NALF1: variants seen among roughly 807,000 people sequenced by gnomAD.
NALF1 encodes NALCN channel auxiliary factor 1.
In NALF1, 3 loss-of-function variants were observed where a neutral mutation model predicts 48.4. That is an observed-to-expected ratio of 0.06 (90% CI 0.03 to 0.16). NALF1 has a LOEUF of 0.16. Among genes scored for constraint, NALF1 ranks in the 10% least tolerant of loss-of-function variants. The pLI is 1.00. For synonymous variants in NALF1, 262 were observed against 245.7 expected, an observed-to-expected ratio of 1.07 and a Z score of -0.62; for missense variants, 526 against 571.5, an observed-to-expected ratio of 0.92 and a Z score of 0.81.
chr13:107,769,114 T>C (rs1421755608), intron 1 of NALF1, among the ~76,000 whole-genome samples: 2 of 148,366 alleles, frequency 1.3e-5, no homozygotes, highest in African/African-American at 4.9e-5. Flanking sequence ...AGTTCAACCA[T>C]TGTGGAAGTC....
At chr13:107,819,045 T>A (rs1490496540) in intron 1 of NALF1, among the ~76,000 whole-genome samples, 1 of 152,112 alleles carries the variant, frequency 6.6e-6, no homozygotes, top group East Asian at 1.9e-4. Flanking sequence ...TCCCATAAAG[T>A]GGGCAAGCTC....
At chr13:107,319,938 G>A (rs1882222002) in intron 1 of NALF1, among the ~76,000 whole-genome samples, 1 of 152,088 alleles carries the variant, frequency 6.6e-6, no homozygotes, top group African/African-American at 2.4e-5. Flanking sequence ...ATGACCACAA[G>A]GCCAATTTAA....
intron 1 of NALF1, among the ~76,000 whole-genome samples, chr13:107,545,550 C>A (rs1877113343): frequency 6.6e-6 from 1 of 152,126 alleles, no homozygotes; most frequent in Non-Finnish European, 1.5e-5. Context: ...CAGGCAAGAA[C>A]TCCCTGAAGG....
rs1429954551 is a variant in NALF1, at chr13:107,539,071, CTTATTT to C, written c.915+326605_915+326610del. On this transcript the variant is annotated intron_variant, in intron 1 of 2. Coordinates refer to ENST00000375915, the MANE Select transcript of NALF1 (RefSeq NM_001080396.3). ...TAGTAAACAACACACATGTGAACTT[CTTATTT>C]TTAATACATCACTGGAATTTGGGTA... Among the ~76,000 whole-genome samples the C allele has an allele frequency of 2.0e-5, 3 of 150,474 alleles. No individual in the cohort carries two copies. In the East Asian group the frequency reaches 5.8e-4, roughly 29 times the overall value.
At chr13:107,556,338 C>CACAT (rs1388322372) in intron 1 of NALF1, among the ~76,000 whole-genome samples, 8 of 147,558 alleles carry the variant, frequency 5.4e-5, no homozygotes, top group African/African-American at 2.0e-4. Flanking sequence ...TATACACACA[C>CACAT]ATATATATAT....
chr13:107,566,185 C>G (rs1233527851), intron 1 of NALF1, among the ~76,000 whole-genome samples: 1 of 152,094 alleles, frequency 6.6e-6, no homozygotes, highest in Non-Finnish European at 1.5e-5. Flanking sequence ...TTATAAGAGG[C>G]ATTTCACAAA....
At chr13:107,573,911 C>T (rs1355615444) in intron 1 of NALF1, among the ~76,000 whole-genome samples, 1 of 152,194 alleles carries the variant, frequency 6.6e-6, no homozygotes, top group African/African-American at 2.4e-5. Context: ...AATTAAACCT[C>T]TTTCTTTTAT....
intron 1 of NALF1, among the ~76,000 whole-genome samples, chr13:107,234,458 TGAG>T (rs1469369555): frequency 2.6e-5 from 4 of 152,194 alleles, no homozygotes; most frequent in African/African-American, 9.7e-5. Context: ...TCTGCTTTAA[TGAG>T]GATGCCATTT....
chr13:107,243,685 G>A (rs1880522603), intron 1 of NALF1, among the ~76,000 whole-genome samples: 1 of 152,096 alleles, frequency 6.6e-6, no homozygotes, highest in African/African-American at 2.4e-5. Context: ...TCCTCTTCTG[G>A]TCTCCTTATT....
At chr13:107,848,572 G>A (rs1456937249) in intron 1 of NALF1, among the ~76,000 whole-genome samples, 2 of 152,132 alleles carry the variant, frequency 1.3e-5, no homozygotes, top group Non-Finnish European at 2.9e-5. Flanking sequence ...CTTGCCACAT[G>A]TGGACAAACA....
Position 107,283,617 on chromosome 13 carries a change from A to T in NALF1, c.916-72862T>A, listed in dbSNP as rs924846724. Among the ~76,000 whole-genome samples, 10 of 145,560 alleles carry T rather than the reference A, an allele frequency of 6.9e-5. No homozygotes were observed. The East Asian group carries it at 1.0e-3, about 15-fold the overall frequency. On this transcript the variant is annotated intron_variant, in intron 1 of 2. Transcript: ENST00000375915. ...TCTGGATGAAGCAGAGCGGATCTTC[A>T]TTATTTATTTATTTATTTATTTATT...
At chr13:107,536,578 A>G (rs1876823460) in intron 1 of NALF1, among the ~76,000 whole-genome samples, 1 of 152,196 alleles carries the variant, frequency 6.6e-6, no homozygotes, top group Non-Finnish European at 1.5e-5. Flanking sequence ...GTCAGGAAAC[A>G]ACAGGAGCTG....
At chr13:107,669,494 T>A (rs1364039022) in intron 1 of NALF1, among the ~76,000 whole-genome samples, 1 of 151,936 alleles carries the variant, frequency 6.6e-6, no homozygotes, top group African/African-American at 2.4e-5. Flanking sequence ...CATAAATGAG[T>A]CATAGGGACC....
intron 1 of NALF1, among the ~76,000 whole-genome samples, chr13:107,569,278 G>A (rs1351819662): frequency 6.6e-6 from 1 of 151,704 alleles, no homozygotes; most frequent in Non-Finnish European, 1.5e-5. Flanking sequence ...GACCATCCTG[G>A]CCAACACGGT....
rs117255590 is a variant in NALF1 at position 107,394,946 on chromosome 13, C to T, written c.916-184191G>A. ...TGGCAGGAGATGTCACCAGTGGGGCCCTCCAATGGGGACATCCAATGATAT... is the reference window on the plus strand; with the variant it reads ...TGGCAGGAGATGTCACCAGTGGGGCTCTCCAATGGGGACATCCAATGATAT... On this transcript the variant is annotated intron_variant, in intron 1 of 2. Coordinates refer to ENST00000375915, the MANE Select transcript of NALF1 (RefSeq NM_001080396.3). Among the ~76,000 whole-genome samples the T allele has an allele frequency of 2.0e-5, 3 of 152,110 alleles. No individual in the cohort carries two copies. The South Asian group carries it at 6.2e-4, about 31-fold the overall frequency.
intron 1 of NALF1, among the ~76,000 whole-genome samples, chr13:107,398,707 AAC>A (rs1436402432): frequency 6.6e-6 from 1 of 152,174 alleles, no homozygotes; most frequent in Non-Finnish European, 1.5e-5. Flanking sequence ...TGCGTCTCTC[AAC>A]ACACAGCACA....
chr13:107,189,954 A>C (rs1400929925), intron 2 of NALF1, among the ~76,000 whole-genome samples: 1 of 152,050 alleles, frequency 6.6e-6, no homozygotes, highest in Non-Finnish European at 1.5e-5. Flanking sequence ...TTTTATTCAC[A>C]TCATTGCTCA....
intron 1 of NALF1, among the ~76,000 whole-genome samples, chr13:107,609,441 G>A (rs1879163940): frequency 6.6e-6 from 1 of 152,174 alleles, no homozygotes; most frequent in Admixed American, 6.5e-5. Flanking sequence ...AGAACCTCTG[G>A]GATCTCAGTG....
At chr13:107,677,628 T>G (rs1331486107) in intron 1 of NALF1, among the ~76,000 whole-genome samples, 2 of 152,172 alleles carry the variant, frequency 1.3e-5, no homozygotes, top group Non-Finnish European at 2.9e-5. Context: ...AAATCACTTC[T>G]TATGAGAACA....
Sources: allele counts gnomAD v4.1 joint callset (sites outside exome capture counted in the v4.1 genomes callset), GRCh38; gene constraint gnomAD v4.1.1; transcripts MANE v1.5; gene names NCBI Gene and HGNC (gene_info 2026-07-23, HGNC 2026-07-21).